The following TDRD7 variants were observed in gnomAD, a reference collection of about 807,000 sequenced individuals.
The protein encoded by TDRD7 is tudor domain containing 7.
TDRD7 carries 47 observed loss-of-function variants against 109.8 expected under a neutral mutation model. The observed-to-expected ratio is 0.43, with a 90% confidence interval of 0.34 to 0.55. The LOEUF (loss-of-function observed/expected upper bound fraction) is 0.55, where lower values mean the gene tolerates loss of function less well. Ranked by LOEUF, TDRD7 falls within the 20% of genes least tolerant of loss-of-function variation. The pLI is 0.03. For synonymous variants in TDRD7, 424 were observed against 457.3 expected, an observed-to-expected ratio of 0.93 and a Z score of 0.93; for missense variants, 1,164 against 1,319.2, an observed-to-expected ratio of 0.88 and a Z score of 1.82.
chr9:97,439,973 A>G (rs1458175748), intron 5 of TDRD7, among the ~76,000 whole-genome samples: 1 of 152,132 alleles, frequency 6.6e-6, no homozygotes, highest in South Asian at 2.1e-4. Flanking sequence ...ATCAGTGCTT[A>G]TAGTGTGTGA....
At chr9:97,463,734 G>A (rs540400628) in intron 7 of TDRD7, among the ~76,000 whole-genome samples, 25 of 152,244 alleles carry the variant, frequency 1.6e-4, no homozygotes, top group African/African-American at 5.3e-4. Flanking sequence ...GGACTAAAGC[G>A]CAAGAAAACA....
intron 4 of TDRD7, 85 bp downstream of exon 4, chr9:97,432,323 T>G (rs1174794343): frequency 8.1e-7 from 1 of 1,241,476 alleles, no homozygotes; most frequent in Non-Finnish European, 1.2e-6. Flanking sequence ...AAAGAAACAC[T>G]TTCTATTTTA....
intron 2 of TDRD7, 104 bp downstream of exon 2, chr9:97,428,776 A>G: frequency 9.1e-7 from 1 of 1,093,168 alleles, no homozygotes; most frequent in Non-Finnish European, 1.4e-6. Flanking sequence ...TGAAAGTACT[A>G]GCTTAGTTGT....
intron 1 of TDRD7, among the ~76,000 whole-genome samples, chr9:97,419,904 C>A (rs573084356): frequency 6.6e-6 from 1 of 152,184 alleles, no homozygotes; most frequent in East Asian, 1.9e-4. Context: ...TATCTACATC[C>A]CGCGATATCT....
chr9:97,473,225 T>C (rs1368599651), intron 10 of TDRD7, among the ~76,000 whole-genome samples: 2 of 152,228 alleles, frequency 1.3e-5, no homozygotes, highest in Non-Finnish European at 2.9e-5. Context: ...AGTCTTGGCC[T>C]TTCAGACAAT....
chr9:97,425,156 G>T (rs373897072), intron 1 of TDRD7, among the ~76,000 whole-genome samples: 1 of 152,062 alleles, frequency 6.6e-6, no homozygotes, highest in Non-Finnish European at 1.5e-5. Flanking sequence ...TCTGTATCTT[G>T]ATTGTGGTAT....
intron 16 of TDRD7, among the ~76,000 whole-genome samples, chr9:97,491,412 T>C (rs1172815134): frequency 6.6e-6 from 1 of 152,270 alleles, no homozygotes; most frequent in African/African-American, 2.4e-5. Flanking sequence ...TGATGCTTGC[T>C]CAGTCTCTTC....
chr9:97,413,824 A>G (rs962794689), intron 1 of TDRD7, among the ~76,000 whole-genome samples: 2 of 152,228 alleles, frequency 1.3e-5, no homozygotes, highest in African/African-American at 2.4e-5. Context: ...GTCTCTGTAG[A>G]TTGAAAATGA....
chr9:97,464,967 A>T lies in TDRD7; in HGVS notation c.1568A>T (p.Asn523Ile), dbSNP rs1828797772. The change falls in exon 8 of 17, where the codon AAT becomes ATT. Residue 523 changes from asparagine to isoleucine, a missense_variant. Coordinates refer to ENST00000355295, the MANE Select transcript of TDRD7 (RefSeq NM_014290.3). ...AVNVGQLLAV[N>I]AEEDAWLRAQ... is the part of the protein sequence containing the mutation. ...AATGTTGGGCAGTTGCTGGCCGTAA[A>T]TGCCGAGGAGGACGCCTGGTTACGG... 6.2e-7 allele frequency: 1 copy of T among 1,614,048 alleles called. No individual in the cohort carries two copies. Among genetic ancestry groups the T allele is most frequent in the Non-Finnish European group, 8.5e-7 (1 of 1,180,028 alleles).
At chr9:97,435,810 A>G (rs760180101) in intron 4 of TDRD7, among the ~76,000 whole-genome samples, 20 of 152,164 alleles carry the variant, frequency 1.3e-4, no homozygotes, top group Non-Finnish European at 2.9e-4. Flanking sequence ...AAATATCAAA[A>G]TGGAACAATA....
Position 97,432,229 on chromosome 9 carries a change from CCAA to C in TDRD7, c.560_562del (p.Asn187del). ...GTGCAAAGGCATGTGACCATGTCCA[CCAA>C]CAACAGGTATTTGGCCTCTGACTCA... On this transcript the variant is annotated inframe_deletion, in exon 4 of 17. Coordinates refer to ENST00000355295, the MANE Select transcript of TDRD7 (RefSeq NM_014290.3). 1 of 1,613,606 alleles carries C rather than the reference CCAA, an allele frequency of 6.2e-7. No individual in the cohort carries two copies. The highest frequency in any genetic ancestry group is 8.5e-7 in the Non-Finnish European group (1 of 1,179,666).
intron 4 of TDRD7, among the ~76,000 whole-genome samples, chr9:97,436,586 G>T (rs1273742653): frequency 6.6e-6 from 1 of 151,892 alleles, no homozygotes; most frequent in Non-Finnish European, 1.5e-5. Context: ...TATAGCTATC[G>T]ATCTTTTACT....
At chr9:97,484,779 C>A (rs1829183805) in intron 15 of TDRD7, among the ~76,000 whole-genome samples, 1 of 152,174 alleles carries the variant, frequency 6.6e-6, no homozygotes, top group Admixed American at 6.5e-5. Context: ...TCAATCAGAG[C>A]TCTTTGTAAG....
chr9:97,420,748 G>A (rs1587856737), intron 1 of TDRD7, among the ~76,000 whole-genome samples: 1 of 152,096 alleles, frequency 6.6e-6, no homozygotes, highest in East Asian at 1.9e-4. Flanking sequence ...ACACACACAC[G>A]TTTCTGTGTG....
At chr9:97,429,304 C>T (rs1043282157) in intron 2 of TDRD7, among the ~76,000 whole-genome samples, 1 of 152,222 alleles carries the variant, frequency 6.6e-6, no homozygotes, top group Non-Finnish European at 1.5e-5. Flanking sequence ...TGCTCTTCCA[C>T]TGCGACCTAG....
chr9:97,470,516 G>T, intron 8 of TDRD7, 42 bp from the exon 9 acceptor site: 2 of 1,544,684 alleles, frequency 1.3e-6, no homozygotes, highest in South Asian at 1.1e-5. Flanking sequence ...ATTTTTTAAA[G>T]AGAGGATAAA....
chr9:97,458,098 G>T (rs1828651779), intron 6 of TDRD7, among the ~76,000 whole-genome samples: 1 of 152,126 alleles, frequency 6.6e-6, no homozygotes, highest in Non-Finnish European at 1.5e-5. Context: ...TGCACATTCT[G>T]CACATGTATC....
intron 6 of TDRD7, among the ~76,000 whole-genome samples, chr9:97,447,718 A>G (rs1828425705): frequency 6.6e-6 from 1 of 152,140 alleles, no homozygotes; most frequent in African/African-American, 2.4e-5. Flanking sequence ...CTCCTGCCCA[A>G]GGTAATGAGA....
chr9:97,494,801 C>T (rs990863601), intron 16 of TDRD7, among the ~76,000 whole-genome samples: 1 of 151,210 alleles, frequency 6.6e-6, no homozygotes, highest in Non-Finnish European at 1.5e-5. Context: ...GCCCTGACCT[C>T]CCAGGCTCAA....
Sources: allele counts gnomAD v4.1 joint callset (sites outside exome capture counted in the v4.1 genomes callset), GRCh38; gene constraint gnomAD v4.1.1; transcripts MANE v1.5; gene names NCBI Gene and HGNC (gene_info 2026-07-23, HGNC 2026-07-21).